The following SLC25A17 variants were observed in gnomAD, a reference collection of about 807,000 sequenced individuals.
SLC25A17 encodes the protein peroxisomal membrane protein PMP34.
A neutral mutation model predicts 38.5 loss-of-function variants in SLC25A17; 26 were observed. That is an observed-to-expected ratio of 0.68 (90% CI 0.50 to 0.94). The LOEUF is 0.94. Among genes scored for constraint, SLC25A17 ranks in the 40% least tolerant of loss-of-function variants. SLC25A17 has a pLI of 0.00. For synonymous variants in SLC25A17, 139 were observed against 136.2 expected (o/e 1.02, Z -0.14); for missense variants, 333 against 372.7 (o/e 0.89, Z 0.88).
At chr22:40,800,076 A>T (rs969649569) in intron 1 of SLC25A17, among the ~76,000 whole-genome samples, 4 of 152,204 alleles carry the variant, frequency 2.6e-5, no homozygotes, top group African/African-American at 9.7e-5. Flanking sequence ...TAAGAATCAT[A>T]TTGTCTTTGA....
At chr22:40,785,366 A>C (rs1042419724) in intron 4 of SLC25A17, among the ~76,000 whole-genome samples, 1 of 152,246 alleles carries the variant, frequency 6.6e-6, no homozygotes, top group Non-Finnish European at 1.5e-5. Flanking sequence ...CCCGGGTGAC[A>C]GAGTGAGACT....
At chr22:40,804,099 G>A (rs2057508101) in intron 1 of SLC25A17, among the ~76,000 whole-genome samples, 1 of 152,062 alleles carries the variant, frequency 6.6e-6, no homozygotes. Flanking sequence ...TCCCCCTTCT[G>A]AGCCCAGGCC....
chr22:40,798,660 T>A (rs368590465), intron 2 of SLC25A17, among the ~76,000 whole-genome samples: 162 of 74,234 alleles, frequency 2.2e-3, no homozygotes, highest in East Asian at 6.0e-3. Context: ...CACACATACA[T>A]AAAAAAAAAA....
intron 1 of SLC25A17, among the ~76,000 whole-genome samples, chr22:40,815,224 G>A (rs1294720910): frequency 2.6e-5 from 4 of 152,118 alleles, no homozygotes; most frequent in Non-Finnish European, 5.9e-5. Flanking sequence ...TGATGGGACA[G>A]ACCTGACCAT....
chr22:40,779,402 A>G, intron 4 of SLC25A17: 1 of 737,784 alleles, frequency 1.4e-6, no homozygotes, highest in Non-Finnish European at 2.1e-6. Context: ...TCTATTTGTC[A>G]ATTTATATAC....
chr22:40,785,561 A>G (rs2057331039), intron 4 of SLC25A17, among the ~76,000 whole-genome samples: 1 of 152,194 alleles, frequency 6.6e-6, no homozygotes, highest in South Asian at 2.1e-4. Flanking sequence ...TGAAGAAGTC[A>G]GGGTGGCTGC....
intron 1 of SLC25A17, chr22:40,817,465 G>C (rs1284081637): frequency 6.6e-6 from 1 of 152,088 alleles, no homozygotes; most frequent in African/African-American, 2.4e-5. Flanking sequence ...CTACTCTTAG[G>C]CATTTCAAAC....
intron 3 of SLC25A17, 98 bp downstream of exon 3, chr22:40,794,416 G>T (rs188720220): frequency 2.7e-5 from 19 of 713,178 alleles, no homozygotes; most frequent in Non-Finnish European, 4.0e-5. Flanking sequence ...CAACATTAGA[G>T]TGCTGTGAGA....
intron 7 of SLC25A17, 24 bp downstream of exon 7, chr22:40,777,016 T>C (rs761992261): frequency 6.3e-7 from 1 of 1,595,468 alleles, no homozygotes; most frequent in East Asian, 2.2e-5. Context: ...TTTGACTAAA[T>C]GCGAAGAGAA....
chr22:40,791,421 A>T (rs964348423), intron 4 of SLC25A17, among the ~76,000 whole-genome samples: 2 of 152,192 alleles, frequency 1.3e-5, no homozygotes, highest in African/African-American at 4.8e-5. Flanking sequence ...GCTCATTAGG[A>T]ATAACAAAAG....
intron 3 of SLC25A17, among the ~76,000 whole-genome samples, chr22:40,794,281 C>A (rs1433483669): frequency 6.6e-6 from 1 of 151,732 alleles, no homozygotes; most frequent in Non-Finnish European, 1.5e-5. Flanking sequence ...ACTCCATGAT[C>A]AAGAATCAAA....
intron 2 of SLC25A17, among the ~76,000 whole-genome samples, chr22:40,796,522 C>G (rs2057431332): frequency 6.6e-6 from 1 of 151,768 alleles, no homozygotes; most frequent in Non-Finnish European, 1.5e-5. Flanking sequence ...GCCTGTAATC[C>G]CAGCTACTCG....
At chr22:40,805,525 C>T (rs986403199) in intron 1 of SLC25A17, among the ~76,000 whole-genome samples, 8 of 152,154 alleles carry the variant, frequency 5.3e-5, no homozygotes, top group African/African-American at 1.9e-4. Context: ...CCCTAGAGCA[C>T]ACATGTCCAA....
At chr22:40,813,101 G>A (rs550133580) in intron 1 of SLC25A17, among the ~76,000 whole-genome samples, 1 of 152,240 alleles carries the variant, frequency 6.6e-6, no homozygotes, top group Non-Finnish European at 1.5e-5. Flanking sequence ...TGACACTCTC[G>A]AGTGTTTAGG....
chr22:40,801,760 A>T (rs1252618963), intron 1 of SLC25A17, among the ~76,000 whole-genome samples: 4 of 152,146 alleles, frequency 2.6e-5, no homozygotes, highest in Admixed American at 2.0e-4. Flanking sequence ...AGGCTCTGGC[A>T]CTCATTTTCT....
chr22:40,810,347 C>CTT (rs199943597), intron 1 of SLC25A17, among the ~76,000 whole-genome samples: 111 of 135,534 alleles, frequency 8.2e-4, no homozygotes, highest in East Asian at 1.5e-3. Flanking sequence ...ATTAAATATT[C>CTT]TTTTTTTTTT....
chr22:40,804,490 C>G lies in SLC25A17; in HGVS notation c.55-5407G>C, dbSNP rs113788550. The stretch of plus-strand genomic sequence containing the variant: ...AGCTTTTTTTTAAGTATCTCTTGGC[C>G]AATTCTATGTCTTCTTTTGAGAAAT... On this transcript the variant is annotated intron_variant, in intron 1 of 8. Coordinates refer to ENST00000435456, the MANE Select transcript of SLC25A17 (RefSeq NM_006358.4). Among the ~76,000 whole-genome samples, 1,023 of 152,070 alleles carry G rather than the reference C, an allele frequency of 6.7e-3. 9 individuals are homozygous for G. Among genetic ancestry groups the G allele is most frequent in the African/African-American group, 0.02 (821 of 41,472 alleles).
chr22:40,814,925 T>C (rs531671262), intron 1 of SLC25A17, among the ~76,000 whole-genome samples: 1 of 152,040 alleles, frequency 6.6e-6, no homozygotes, highest in Non-Finnish European at 1.5e-5. Flanking sequence ...GTTCATGCCG[T>C]TCTCCTGCCT....
intron 6 of SLC25A17, 32 bp downstream of exon 6, chr22:40,777,196 A>G (rs550917520): frequency 2.4e-5 from 39 of 1,613,492 alleles, no homozygotes; most frequent in South Asian, 2.1e-4. Context: ...GTCAGACAGA[A>G]TTATTTTACT....
Sources: allele counts gnomAD v4.1 joint callset (sites outside exome capture counted in the v4.1 genomes callset), GRCh38; gene constraint gnomAD v4.1.1; transcripts MANE v1.5; gene names NCBI Gene and HGNC (gene_info 2026-07-23, HGNC 2026-07-21).